The following FCHSD2 variants were observed in gnomAD, a reference collection of about 807,000 sequenced individuals.
FCHSD2 encodes FCH and double SH3 domains 2, also known as F-BAR and double SH3 domains protein 2.
Under a neutral mutation model 108.1 loss-of-function variants are expected in FCHSD2, and 38 were observed. That is an observed-to-expected ratio of 0.35 (90% confidence interval 0.27 to 0.46). The LOEUF is 0.46. Among genes scored for constraint, FCHSD2 ranks in the 20% least tolerant of loss-of-function variants. The pLI, the probability that FCHSD2 is intolerant of heterozygous loss-of-function variation, is 1.00. For missense variants in FCHSD2, 751 were observed against 897.8 expected (o/e 0.84, Z 2.09); for synonymous variants, 279 against 314.7 (o/e 0.89, Z 1.20).
chr11:72,913,736 G>A (rs905574968), intron 9 of FCHSD2, among the ~76,000 whole-genome samples: 6 of 149,634 alleles, frequency 4.0e-5, no homozygotes, highest in African/African-American at 9.8e-5. Context: ...CTGGCTAAAG[G>A]TTTGCTGATT....
chr11:72,916,968 C>CT (rs71062793), intron 9 of FCHSD2, among the ~76,000 whole-genome samples: 30 of 118,794 alleles, frequency 2.5e-4, no homozygotes, highest in African/African-American at 7.8e-4. Flanking sequence ...GAACTTCATT[C>CT]TTTTTTTTTT....
chr11:72,907,829 G>T (rs933320528), intron 9 of FCHSD2, among the ~76,000 whole-genome samples: 3 of 151,978 alleles, frequency 2.0e-5, no homozygotes, highest in African/African-American at 7.3e-5. Flanking sequence ...TCCTGACCTC[G>T]TCATCTGCCC....
chr11:72,935,409 T>C (rs537446855), intron 8 of FCHSD2, among the ~76,000 whole-genome samples: 56 of 152,320 alleles, frequency 3.7e-4, no homozygotes, highest in Non-Finnish European at 6.6e-4. Context: ...AACTCTTCTT[T>C]TCTGAGAGCA....
chr11:73,114,915 G>A (rs1032885886), intron 2 of FCHSD2, among the ~76,000 whole-genome samples: 4 of 152,026 alleles, frequency 2.6e-5, no homozygotes, highest in Admixed American at 1.3e-4. Context: ...GTACTCCCTC[G>A]GACGCCATGG....
intron 2 of FCHSD2, among the ~76,000 whole-genome samples, chr11:73,129,216 T>C (rs1017724226): frequency 7.2e-5 from 11 of 152,132 alleles, no homozygotes; most frequent in Non-Finnish European, 1.3e-4. Flanking sequence ...CAAAACAAAT[T>C]ACAGCTGGGC....
intron 9 of FCHSD2, among the ~76,000 whole-genome samples, chr11:72,908,482 A>T (rs1855681226): frequency 6.6e-6 from 1 of 152,182 alleles, no homozygotes. Context: ...CGGTTGTACT[A>T]ATTTACATTC....
chr11:73,133,410 C>T (rs1196871414), intron 2 of FCHSD2, among the ~76,000 whole-genome samples: 1 of 152,108 alleles, frequency 6.6e-6, no homozygotes, highest in Non-Finnish European at 1.5e-5. Context: ...GTGGCATATC[C>T]ATACAATGGG....
chr11:73,130,650 T>C lies in FCHSD2; in HGVS notation c.119+9381A>G, dbSNP rs565877440. On this transcript the variant is annotated intron_variant, in intron 2 of 19. Transcript: ENST00000409418. ...ATAGGAAGAGGTATTACCAAAACCC[T>C]AATTCTTTCAATTTCAAGTACACAG... Among the ~76,000 whole-genome samples, 6 of 152,334 alleles carry C rather than the reference T, an allele frequency of 3.9e-5. No individual in the cohort carries two copies. The South Asian group carries it at 1.2e-3, about 32-fold the overall frequency.
At chr11:72,860,858 A>G (rs1411020461) in intron 13 of FCHSD2, among the ~76,000 whole-genome samples, 1 of 152,140 alleles carries the variant, frequency 6.6e-6, no homozygotes, top group African/African-American at 2.4e-5. Flanking sequence ...TTTGAACTGG[A>G]TAAAAATGAT....
chr11:73,141,633 G>A (rs915019217), intron 1 of FCHSD2, among the ~76,000 whole-genome samples: 2 of 152,282 alleles, frequency 1.3e-5, no homozygotes, highest in East Asian at 3.9e-4. Flanking sequence ...GAAATGTCTG[G>A]GGGTCTCCTG....
At chr11:73,065,961 T>A (rs1404171385) in intron 3 of FCHSD2, among the ~76,000 whole-genome samples, 1 of 152,104 alleles carries the variant, frequency 6.6e-6, no homozygotes, top group Non-Finnish European at 1.5e-5. Context: ...GCTATCCCCA[T>A]CAAGCTACCA....
chr11:72,970,368 C>A (rs758342993), intron 8 of FCHSD2, among the ~76,000 whole-genome samples: 6 of 152,120 alleles, frequency 3.9e-5, no homozygotes, highest in Non-Finnish European at 4.4e-5. Context: ...TGTCTTTTAT[C>A]TAAAAGCCCT....
chr11:72,889,976 T>C (rs773091376), intron 10 of FCHSD2, 31 bp from the exon 11 acceptor site: 4 of 1,372,150 alleles, frequency 2.9e-6, no homozygotes, highest in Non-Finnish European at 4.2e-6. Context: ...GAGATAAAAA[T>C]ATTGCTATCC....
intron 13 of FCHSD2, among the ~76,000 whole-genome samples, chr11:72,851,578 A>G (rs1861288773): frequency 6.6e-6 from 1 of 151,960 alleles, no homozygotes. Context: ...ATCTCTATTA[A>G]CAAAAAAACA....
chr11:72,850,803 T>C (rs1861263715), intron 13 of FCHSD2, among the ~76,000 whole-genome samples: 1 of 151,822 alleles, frequency 6.6e-6, no homozygotes, highest in Non-Finnish European at 1.5e-5. Context: ...TAAAAAGGTT[T>C]CAGGCCAGGT....
At chr11:73,018,517 CTTTT>C (rs543899306) in intron 3 of FCHSD2, among the ~76,000 whole-genome samples, 19 of 138,194 alleles carry the variant, frequency 1.4e-4, no homozygotes, top group African/African-American at 5.1e-4. Context: ...CAGATCTTGT[CTTTT>C]TTTTTTTTTT....
At chr11:73,140,568 CATG>C (rs1351670743) in intron 1 of FCHSD2, among the ~76,000 whole-genome samples, 1 of 152,206 alleles carries the variant, frequency 6.6e-6, no homozygotes, top group Non-Finnish European at 1.5e-5. Context: ...TTTACACAAT[CATG>C]ATAATATGCC....
intron 12 of FCHSD2, among the ~76,000 whole-genome samples, chr11:72,882,753 AG>A (rs1375506698): frequency 1.3e-5 from 2 of 152,248 alleles, no homozygotes; most frequent in African/African-American, 2.4e-5. Flanking sequence ...ATGAATTAGA[AG>A]ACTCAATATT....
chr11:72,978,723 G>A (rs772721114), intron 8 of FCHSD2, among the ~76,000 whole-genome samples: 4 of 152,060 alleles, frequency 2.6e-5, no homozygotes, highest in Non-Finnish European at 5.9e-5. Flanking sequence ...CTACCCCCAT[G>A]TCAAGAAGGT....
Sources: allele counts gnomAD v4.1 joint callset (sites outside exome capture counted in the v4.1 genomes callset), GRCh38; gene constraint gnomAD v4.1.1; transcripts MANE v1.5; gene names NCBI Gene and HGNC (gene_info 2026-07-23, HGNC 2026-07-21).